PPP2R2C: variants seen among roughly 807,000 people sequenced by gnomAD.
PPP2R2C encodes the protein protein phosphatase 2, regulatory subunit B, gamma.
A neutral mutation model predicts 45.3 loss-of-function variants in PPP2R2C; 10 were observed. The observed-to-expected ratio is 0.22, with a 90% CI of 0.14 to 0.37. The LOEUF is 0.37. PPP2R2C is among the 10% of genes least tolerant of loss of function. PPP2R2C has a pLI of 1.00. For missense variants in PPP2R2C, 308 were observed against 619.7 expected (o/e 0.50, Z 5.34); for synonymous variants, 257 against 245.4 (o/e 1.05, Z -0.44).
intron 4 of PPP2R2C, among the ~76,000 whole-genome samples, chr4:6,373,408 G>A (rs138779033): frequency 1.1e-4 from 17 of 152,294 alleles, no homozygotes; most frequent in African/African-American, 4.1e-4. Context: ...CAGTTGGTGC[G>A]AGGAGTCCTT....
intron 1 of PPP2R2C, among the ~76,000 whole-genome samples, chr4:6,552,199 T>G (rs1306487893): frequency 3.3e-5 from 5 of 152,350 alleles, no homozygotes; most frequent in East Asian, 3.9e-4. Flanking sequence ...ATTTTTTCAT[T>G]TGTTCTCATT....
intron 2 of PPP2R2C, among the ~76,000 whole-genome samples, chr4:6,528,496 G>A (rs1724287933): frequency 6.6e-6 from 1 of 150,630 alleles, no homozygotes; most frequent in African/African-American, 2.5e-5. Flanking sequence ...ACTGCCTGGA[G>A]CCCCAGTCAC....
intron 1 of PPP2R2C, among the ~76,000 whole-genome samples, chr4:6,395,303 G>A (rs1301870875): frequency 3.3e-5 from 5 of 152,124 alleles, no homozygotes; most frequent in Non-Finnish European, 1.5e-5. Flanking sequence ...TTATTTATCT[G>A]ACAAGTATTA....
chr4:6,502,362 G>T (rs558553152), intron 2 of PPP2R2C, among the ~76,000 whole-genome samples: 16 of 152,228 alleles, frequency 1.1e-4, no homozygotes, highest in Non-Finnish European at 2.4e-4. Context: ...GTGATGTACG[G>T]TGCAGCTGTG....
At chr4:6,375,168 G>A (rs545429764) in intron 4 of PPP2R2C, among the ~76,000 whole-genome samples, 37 of 152,296 alleles carry the variant, frequency 2.4e-4, no homozygotes, top group East Asian at 9.6e-4. Context: ...ACTCAACATC[G>A]AAGCTAATCG....
intron 6 of PPP2R2C, among the ~76,000 whole-genome samples, chr4:6,339,557 G>A (rs920661517): frequency 6.6e-6 from 1 of 152,260 alleles, no homozygotes; most frequent in Non-Finnish European, 1.5e-5. Context: ...ATCGTTGTCA[G>A]TGTGTGGACG....
At position 6,343,714 on chromosome 4, in the gene PPP2R2C, GA is replaced by G. The variant is rs898856765; in HGVS notation, c.790+4131del. ...GAGCCAAATTCTGTCTAAAAAAAAA[GA>G]AAAAAATTCTTCTCTCCCTCAAAAG... is the stretch of plus-strand genomic sequence containing the variant. On this transcript the variant is annotated intron_variant, in intron 6 of 8. Coordinates refer to ENST00000382599, the MANE Select transcript of PPP2R2C (RefSeq NM_020416.4). 8.4e-3 allele frequency among the ~76,000 whole-genome samples: 1,269 copies of G among 151,962 alleles called. 19 individuals are homozygous for G. The highest frequency in any genetic ancestry group is 0.029 in the African/African-American group (1,203 of 41,474).
At chr4:6,399,719 G>A (rs758451616) in intron 1 of PPP2R2C, among the ~76,000 whole-genome samples, 5 of 152,216 alleles carry the variant, frequency 3.3e-5, no homozygotes, top group African/African-American at 4.8e-5. Context: ...GGACATTCTC[G>A]GATGCTGAGA....
At chr4:6,497,978 G>A (rs968349230) in intron 2 of PPP2R2C, among the ~76,000 whole-genome samples, 3 of 152,218 alleles carry the variant, frequency 2.0e-5, no homozygotes, top group Admixed American at 1.3e-4. Flanking sequence ...GAGAGCTGGC[G>A]AGGACTTACA....
At chr4:6,479,962 T>C (rs4566726) in intron 2 of PPP2R2C, among the ~76,000 whole-genome samples, 97,986 of 151,900 alleles carry the variant, frequency 0.65, 32,340 homozygotes, top group Non-Finnish European at 0.71. Context: ...CCTCTCACCT[T>C]AGCCACTGAA....
At chr4:6,482,572 G>A (rs962384817) in intron 2 of PPP2R2C, among the ~76,000 whole-genome samples, 1 of 152,192 alleles carries the variant, frequency 6.6e-6, no homozygotes, top group African/African-American at 2.4e-5. Context: ...GAAGGCTATT[G>A]ATTTCACTAT....
intron 1 of PPP2R2C, among the ~76,000 whole-genome samples, chr4:6,420,632 T>A (rs1462068186): frequency 2.0e-5 from 3 of 152,122 alleles, no homozygotes. Context: ...TTAAGCTCTA[T>A]CTGCGGGACA....
At chr4:6,402,892 A>G (rs1717510056) in intron 1 of PPP2R2C, among the ~76,000 whole-genome samples, 1 of 152,238 alleles carries the variant, frequency 6.6e-6, no homozygotes, top group Non-Finnish European at 1.5e-5. Flanking sequence ...GCAGGACCTC[A>G]ACGGCAGACA....
At chr4:6,397,703 G>A (rs1292407220) in intron 1 of PPP2R2C, among the ~76,000 whole-genome samples, 1 of 152,204 alleles carries the variant, frequency 6.6e-6, no homozygotes, top group Non-Finnish European at 1.5e-5. Context: ...AGTTACCTGG[G>A]AAAGTTACTC....
chr4:6,350,760 C>T, intron 5 of PPP2R2C: 1 of 985,384 alleles, frequency 1.0e-6, no homozygotes, highest in Non-Finnish European at 1.2e-6. Context: ...AGGCATGTCA[C>T]CTCCAGGCTG....
intron 1 of PPP2R2C, among the ~76,000 whole-genome samples, chr4:6,431,642 C>T (rs1719628951): frequency 6.6e-6 from 1 of 152,216 alleles, no homozygotes. Context: ...GTATCTGGAC[C>T]TCCCCTGGGT....
intron 1 of PPP2R2C, among the ~76,000 whole-genome samples, chr4:6,406,606 A>T (rs1369283178): frequency 1.3e-5 from 2 of 151,914 alleles, no homozygotes; most frequent in African/African-American, 2.4e-5. Flanking sequence ...GCCAAAAAAA[A>T]AATAGCTGGG....
chr4:6,426,721 G>A (rs918031911), intron 1 of PPP2R2C, among the ~76,000 whole-genome samples: 3 of 152,136 alleles, frequency 2.0e-5, no homozygotes, highest in Non-Finnish European at 2.9e-5. Context: ...CCTGGGAAAC[G>A]CAGGCTGGAT....
chr4:6,441,762 G>GC lies in PPP2R2C; in HGVS notation c.70+30397dup, dbSNP rs1263534303. 6.6e-5 allele frequency among the ~76,000 whole-genome samples: 10 copies of GC among 152,280 alleles called. No homozygotes were observed. The East Asian group carries it at 1.9e-3, about 29-fold the overall frequency. ...GGTGCTGTAGAAAGGAGGGGATGGG[G>GC]CCCAGCCACACACATGCAACACGAT... On this transcript the variant is annotated intron_variant, in intron 1 of 8. Transcript: ENST00000382599.
Sources: gnomAD v4.1 joint callset for allele counts (sites outside exome capture counted in the v4.1 genomes callset) on GRCh38, gnomAD v4.1.1 for gene constraint, MANE v1.5 for transcripts, NCBI Gene and HGNC (gene_info 2026-07-23, HGNC 2026-07-21) for gene names.